ASAP2: variants seen among roughly 807,000 people sequenced by gnomAD.
ASAP2 encodes ArfGAP with SH3 domain, ankyrin repeat and PH domain 2.
In ASAP2, 45 loss-of-function variants were observed where a neutral mutation model predicts 131.4. That is an observed-to-expected ratio of 0.34 (90% CI 0.27 to 0.44). The LOEUF (loss-of-function observed/expected upper bound fraction) is 0.44, where lower values mean the gene tolerates loss of function less well. ASAP2 is among the 20% of genes least tolerant of loss of function. The pLI is 1.00. For missense variants in ASAP2, 1,011 were observed against 1,297.0 expected, an observed-to-expected ratio of 0.78 and a Z score of 3.39; for synonymous variants, 510 against 503.0, an observed-to-expected ratio of 1.01 and a Z score of -0.19.
intron 18 of ASAP2, 28 bp from the exon 19 acceptor site, chr2:9,378,916 C>T (rs750067767): frequency 1.4e-6 from 2 of 1,395,114 alleles, no homozygotes; most frequent in Non-Finnish European, 1.9e-6. Flanking sequence ...ACACACTATG[C>T]TCTCTCTCTG....
At chr2:9,379,176 C>A in intron 19 of ASAP2, 117 bp downstream of exon 19, 1 of 588,878 alleles carries the variant, frequency 1.7e-6, no homozygotes, top group Non-Finnish European at 2.7e-6. Flanking sequence ...TTGTTAGTGC[C>A]AAAGAGAAGG....
intron 6 of ASAP2, among the ~76,000 whole-genome samples, chr2:9,324,126 A>C (rs968411096): frequency 2.6e-5 from 4 of 152,276 alleles, no homozygotes; most frequent in African/African-American, 9.6e-5. Flanking sequence ...GGCATTGGCC[A>C]GCTCTTAATT....
chr2:9,277,875 C>CTAATCATGTCTGTTTTTAGCATCCAATA (rs1666857873), intron 1 of ASAP2, among the ~76,000 whole-genome samples: 1 of 152,208 alleles, frequency 6.6e-6, no homozygotes, highest in Non-Finnish European at 1.5e-5. Context: ...ATTGCCAGCA[C>CTAATCATGTCTGTTTTTAGCATCCAATA]TAATCATGTC....
intron 2 of ASAP2, among the ~76,000 whole-genome samples, chr2:9,293,778 A>C (rs1223098993): frequency 6.6e-6 from 1 of 152,184 alleles, no homozygotes; most frequent in Admixed American, 6.5e-5. Flanking sequence ...GATGAAAAAT[A>C]CATCTAAAAA....
intron 3 of ASAP2, among the ~76,000 whole-genome samples, chr2:9,306,175 T>A (rs1668925580): frequency 7.1e-6 from 1 of 140,058 alleles, no homozygotes; most frequent in Non-Finnish European, 1.5e-5. Flanking sequence ...GCTCTAGGGG[T>A]GTAGAGAGGG....
chr2:9,305,592 A>T (rs1277217354), intron 3 of ASAP2, among the ~76,000 whole-genome samples: 21 of 110,750 alleles, frequency 1.9e-4, no homozygotes, highest in East Asian at 5.4e-4. Flanking sequence ...TAGATATTGG[A>T]GGGTCTGGAG....
At chr2:9,259,379 C>G (rs1053631444) in intron 1 of ASAP2, among the ~76,000 whole-genome samples, 6 of 152,224 alleles carry the variant, frequency 3.9e-5, no homozygotes, top group African/African-American at 1.4e-4. Context: ...GGCAGGGACC[C>G]TGCCCTTCCT....
intron 1 of ASAP2, among the ~76,000 whole-genome samples, chr2:9,227,497 G>A (rs1025969272): frequency 5.3e-5 from 8 of 152,138 alleles, no homozygotes; most frequent in Non-Finnish European, 1.2e-4. Flanking sequence ...GCTCTCATTT[G>A]TATTTATACT....
chr2:9,359,978 C>G (rs1672979726), intron 15 of ASAP2, among the ~76,000 whole-genome samples: 1 of 152,196 alleles, frequency 6.6e-6, no homozygotes, highest in Non-Finnish European at 1.5e-5. Context: ...TGGTTACATA[C>G]AGCAATTATT....
chr2:9,308,395 C>T (rs932622312), intron 3 of ASAP2, among the ~76,000 whole-genome samples: 1 of 152,170 alleles, frequency 6.6e-6, no homozygotes, highest in African/African-American at 2.4e-5. Context: ...AACTTCACCC[C>T]CGTGATTGAG....
chr2:9,397,142 C>G (rs1004893886), intron 24 of ASAP2, among the ~76,000 whole-genome samples: 2 of 152,220 alleles, frequency 1.3e-5, no homozygotes, highest in Non-Finnish European at 2.9e-5. Flanking sequence ...CTTCTCTTGG[C>G]TTCTGGGCTC....
At position 9,380,755 on chromosome 2, in the gene ASAP2, G is replaced by C; in HGVS notation, c.1963G>C (p.Glu655Gln). 6.2e-7 allele frequency: 1 copy of C among 1,614,178 alleles called. No individual in the cohort carries two copies. Among genetic ancestry groups the C allele is most frequent in the Middle Eastern group, 1.6e-4 (1 of 6,062 alleles). The change falls in exon 20 of 28, where the codon GAG (glutamate) becomes CAG (glutamine). Residue 655 changes from glutamate to glutamine, a missense_variant. Glu to Gln is a conservative substitution (Grantham distance 29). Transcript: ENST00000281419. ...ASIEIANESG[E>Q]TPLDIAKRLK... The stretch of plus-strand genomic sequence containing the variant: ...TTGAATTTTAGCAAACGAGTCAGGA[G>C]AGACTCCGCTGGACATTGCCAAGCG...
intron 12 of ASAP2, among the ~76,000 whole-genome samples, chr2:9,352,533 C>T (rs115760216): frequency 0.015 from 2,359 of 152,290 alleles, 63 homozygotes; most frequent in African/African-American, 0.054. Flanking sequence ...CACAGGGAGA[C>T]CCTGCTAGAT....
At chr2:9,359,967 C>G (rs1217113613) in intron 15 of ASAP2, among the ~76,000 whole-genome samples, 2 of 152,164 alleles carry the variant, frequency 1.3e-5, no homozygotes, top group Non-Finnish European at 2.9e-5. Context: ...CAGTGCCTTC[C>G]TGGTTACATA....
At chr2:9,366,269 C>T (rs1673466018) in intron 15 of ASAP2, among the ~76,000 whole-genome samples, 1 of 151,946 alleles carries the variant, frequency 6.6e-6, no homozygotes. Context: ...CCAGCCAAGT[C>T]CAAGCAGAAG....
intron 1 of ASAP2, among the ~76,000 whole-genome samples, chr2:9,208,579 C>T (rs1661313636): frequency 6.6e-6 from 1 of 152,064 alleles, no homozygotes; most frequent in Admixed American, 6.5e-5. Flanking sequence ...GTTAATATAA[C>T]TTGGGTAGCC....
intron 2 of ASAP2, among the ~76,000 whole-genome samples, chr2:9,289,421 T>G (rs1667659504): frequency 6.6e-6 from 1 of 152,224 alleles, no homozygotes; most frequent in African/African-American, 2.4e-5. Context: ...TCAGTGTGAT[T>G]GGATTTTATT....
intron 16 of ASAP2, among the ~76,000 whole-genome samples, chr2:9,369,801 G>A (rs1673791330): frequency 6.6e-6 from 1 of 152,224 alleles, no homozygotes; most frequent in Non-Finnish European, 1.5e-5. Flanking sequence ...TTTAAGGGTG[G>A]TTTCACAAAT....
chr2:9,346,023 T>G (rs1252951183), intron 11 of ASAP2, among the ~76,000 whole-genome samples: 1 of 152,064 alleles, frequency 6.6e-6, no homozygotes, highest in Non-Finnish European at 1.5e-5. Context: ...GTCTCTGAAC[T>G]TGGAAATGAA....
Sources: allele counts gnomAD v4.1 joint callset (sites outside exome capture counted in the v4.1 genomes callset), GRCh38; gene constraint gnomAD v4.1.1; transcripts MANE v1.5; gene names NCBI Gene and HGNC (gene_info 2026-07-23, HGNC 2026-07-21).